GLCCI1: variants seen among roughly 807,000 people sequenced by gnomAD.
GLCCI1 encodes the protein glucocorticoid-induced transcript 1 protein.
Under a neutral mutation model 52.2 loss-of-function variants are expected in GLCCI1, and 24 were observed. The observed-to-expected ratio is 0.46, with a 90% CI of 0.33 to 0.65. The LOEUF (loss-of-function observed/expected upper bound fraction) is 0.65. Ranked by LOEUF, GLCCI1 falls within the 30% of genes least tolerant of loss-of-function variation. GLCCI1 has a pLI of 0.02. For missense variants in GLCCI1, 704 were observed against 701.5 expected (o/e 1.00, Z -0.04); for synonymous variants, 310 against 276.5 (o/e 1.12, Z -1.20).
At chr7:8,060,586 G>A (rs1782491829) in intron 5 of GLCCI1, among the ~76,000 whole-genome samples, 1 of 152,150 alleles carries the variant, frequency 6.6e-6, no homozygotes, top group Admixed American at 6.5e-5. Flanking sequence ...ATCATACAAC[G>A]TGGCCTTCTT....
chr7:7,999,722 T>C (rs746014818), intron 1 of GLCCI1, among the ~76,000 whole-genome samples: 5 of 152,088 alleles, frequency 3.3e-5, no homozygotes, highest in Non-Finnish European at 5.9e-5. Context: ...CTGGTCAACA[T>C]AGTGAGGCCT....
rs184492668 is a variant in GLCCI1, at chr7:8,078,043, G to A, written c.1178-6854G>A. Among the ~76,000 whole-genome samples the A allele has an allele frequency of 1.1e-3, 163 of 151,842 alleles. 1 individual carries two copies. The highest frequency in any genetic ancestry group is 3.5e-3 in the African/African-American group (143 of 41,398). ...AGGTCAGGAAATCGAGACCATCCTG[G>A]CTAACACGGTGAAACCCCGTCTCTA... On this transcript the variant is annotated intron_variant, in intron 6 of 7. Coordinates refer to ENST00000223145, the MANE Select transcript of GLCCI1 (RefSeq NM_138426.4).
At chr7:7,974,885 A>G (rs1011617439) in intron 1 of GLCCI1, among the ~76,000 whole-genome samples, 3 of 152,164 alleles carry the variant, frequency 2.0e-5, no homozygotes, top group Admixed American at 1.3e-4. Context: ...TGTCTTCAGT[A>G]TATAATTTAT....
At chr7:7,990,195 C>T (rs986182676) in intron 1 of GLCCI1, among the ~76,000 whole-genome samples, 1 of 152,050 alleles carries the variant, frequency 6.6e-6, no homozygotes, top group Non-Finnish European at 1.5e-5. Flanking sequence ...ATGATTCAGG[C>T]TGTATCTAAA....
Position 8,003,186 on chromosome 7 carries a change from G to A in GLCCI1, c.458-722G>A, listed in dbSNP as rs544466930. Among the ~76,000 whole-genome samples the A allele has an allele frequency of 3.9e-5, 6 of 152,224 alleles. No individual in the cohort carries two copies. In the South Asian group the frequency reaches 1.2e-3, roughly 32 times the overall value. ...GAAACAGGCTTAGGGTGCCATGAAA[G>A]CAGAGACAGGCAAGTATATCTTAGA... On this transcript the variant is annotated intron_variant, in intron 1 of 7. Transcript: ENST00000223145.
intron 3 of GLCCI1, among the ~76,000 whole-genome samples, chr7:8,030,089 C>T (rs577604754): frequency 6.6e-6 from 1 of 152,154 alleles, no homozygotes; most frequent in Non-Finnish European, 1.5e-5. Flanking sequence ...ATAGCCAAAG[C>T]TGTCCTAAGC....
intron 5 of GLCCI1, among the ~76,000 whole-genome samples, chr7:8,067,517 T>G (rs181876193): frequency 3.3e-5 from 5 of 152,352 alleles, no homozygotes; most frequent in Admixed American, 3.3e-4. Flanking sequence ...TAACGTTCTT[T>G]CCTTTCCAGA....
At chr7:8,061,796 A>G (rs1319566931) in intron 5 of GLCCI1, among the ~76,000 whole-genome samples, 2 of 149,484 alleles carry the variant, frequency 1.3e-5, no homozygotes, top group African/African-American at 2.5e-5. Flanking sequence ...CCTCCTGAGT[A>G]GCTGGGATTA....
intron 3 of GLCCI1, among the ~76,000 whole-genome samples, chr7:8,053,509 T>G (rs887167263): frequency 6.6e-6 from 1 of 150,932 alleles, no homozygotes. Flanking sequence ...TTTTTTTTTT[T>G]TTTTTAGCAG....
chr7:7,996,265 G>A (rs551364739), intron 1 of GLCCI1, among the ~76,000 whole-genome samples: 3 of 151,984 alleles, frequency 2.0e-5, no homozygotes, highest in African/African-American at 7.3e-5. Context: ...TAGATGTTTG[G>A]AATTTCATTA....
At chr7:7,970,772 C>A (rs1339367133) in intron 1 of GLCCI1, among the ~76,000 whole-genome samples, 1 of 152,066 alleles carries the variant, frequency 6.6e-6, no homozygotes, top group African/African-American at 2.4e-5. Context: ...GGACTTAAAG[C>A]TCATAAGGGA....
chr7:7,972,002 T>C (rs534703762), intron 1 of GLCCI1, among the ~76,000 whole-genome samples: 2 of 152,232 alleles, frequency 1.3e-5, no homozygotes, highest in Admixed American at 6.5e-5. Context: ...ATATTACTCC[T>C]ATGTTACTTC....
intron 1 of GLCCI1, among the ~76,000 whole-genome samples, chr7:7,970,087 T>C (rs946515720): frequency 5.3e-5 from 8 of 152,162 alleles, no homozygotes. Flanking sequence ...CATTCGTGTG[T>C]TTGCCGTTTG....
rs1269771435 is a variant in GLCCI1 at position 7,998,374 on chromosome 7, C to A, written c.458-5534C>A. 7.2e-5 allele frequency among the ~76,000 whole-genome samples: 11 copies of A among 151,990 alleles called. No homozygotes were observed. In the South Asian group the frequency reaches 2.3e-3, roughly 31 times the overall value. ...GGGATTACAGGCGCCCTCCACCACGCCCAGCTAATTTTTGTACTTTTAGTA... is the reference window on the plus strand; with the variant it reads ...GGGATTACAGGCGCCCTCCACCACGACCAGCTAATTTTTGTACTTTTAGTA... On this transcript the variant is annotated intron_variant, in intron 1 of 7. Coordinates refer to ENST00000223145, the MANE Select transcript of GLCCI1 (RefSeq NM_138426.4).
At chr7:8,025,533 A>G (rs2127949841) in intron 3 of GLCCI1, among the ~76,000 whole-genome samples, 1 of 152,302 alleles carries the variant, frequency 6.6e-6, no homozygotes, top group East Asian at 1.9e-4. Flanking sequence ...ACTCTGAAGA[A>G]CAGAGAGGAA....
intron 2 of GLCCI1, among the ~76,000 whole-genome samples, chr7:8,006,826 T>C (rs1340797672): frequency 6.6e-6 from 1 of 152,174 alleles, no homozygotes; most frequent in African/African-American, 2.4e-5. Flanking sequence ...TAAGTCCCAT[T>C]CTCTTCCTAC....
chr7:7,975,953 T>A lies in GLCCI1; in HGVS notation c.457+6146T>A, dbSNP rs1005098677. Among the ~76,000 whole-genome samples, 4 of 152,168 alleles carry A rather than the reference T, an allele frequency of 2.6e-5. No individual in the cohort carries two copies. The South Asian group carries it at 6.2e-4, about 24-fold the overall frequency. On this transcript the variant is annotated intron_variant, in intron 1 of 7. Transcript: ENST00000223145. ...TCCCCTTTTCTCTCTTCATAAATGTTAAAAGTTAATTACATATGGTGCTAA... is the reference window on the plus strand; with the variant it reads ...TCCCCTTTTCTCTCTTCATAAATGTAAAAAGTTAATTACATATGGTGCTAA...
chr7:8,028,286 C>T (rs145063811), intron 3 of GLCCI1, among the ~76,000 whole-genome samples: 138 of 152,152 alleles, frequency 9.1e-4, no homozygotes, highest in African/African-American at 3.2e-3. Context: ...TGGAATAAAA[C>T]TACAAATCAA....
At chr7:8,027,639 T>G (rs1036548446) in intron 3 of GLCCI1, among the ~76,000 whole-genome samples, 1 of 150,102 alleles carries the variant, frequency 6.7e-6, no homozygotes, top group African/African-American at 2.5e-5. Context: ...GGAATGTAAA[T>G]GGACTAAACT....
Sources: gnomAD v4.1 joint callset for allele counts (sites outside exome capture counted in the v4.1 genomes callset) on GRCh38, gnomAD v4.1.1 for gene constraint, MANE v1.5 for transcripts, NCBI Gene and HGNC (gene_info 2026-07-23, HGNC 2026-07-21) for gene names.